The following ZNF180 variants were observed in gnomAD, a reference collection of about 807,000 sequenced individuals.
ZNF180 encodes the protein zinc finger protein 180.
In ZNF180, 11 loss-of-function variants were observed where a neutral mutation model predicts 11.8. The observed-to-expected ratio is 0.93, with a 90% CI of 0.59 to 1.55. The LOEUF is 1.55. Among genes scored for constraint, ZNF180 ranks in the 40% most tolerant of loss-of-function variants. ZNF180 has a pLI of 0.00. For missense variants in ZNF180, 773 were observed against 781.7 expected, an observed-to-expected ratio of 0.99 and a Z score of 0.13; for synonymous variants, 287 against 257.7, an observed-to-expected ratio of 1.11 and a Z score of -1.09.
chr19:44,491,213 T>G (rs1016879571), intron 2 of ZNF180, among the ~76,000 whole-genome samples: 1 of 152,254 alleles, frequency 6.6e-6, no homozygotes, highest in Non-Finnish European at 1.5e-5. Context: ...AAAGCAAAGC[T>G]GAGCTCAAGC....
intron 1 of ZNF180, among the ~76,000 whole-genome samples, chr19:44,499,490 G>A (rs1343139355): frequency 6.6e-6 from 1 of 152,094 alleles, no homozygotes; most frequent in Non-Finnish European, 1.5e-5. Flanking sequence ...TCTCCAACCC[G>A]GAGTCTCTGC....
intron 2 of ZNF180, among the ~76,000 whole-genome samples, chr19:44,486,491 T>G (rs1450900809): frequency 6.6e-6 from 1 of 152,248 alleles, no homozygotes; most frequent in East Asian, 1.9e-4. Flanking sequence ...TAATTCAGTC[T>G]GTTAAATGAT....
rs752065380 is a variant in ZNF180 at position 44,477,893 on chromosome 19, C to T, written c.507G>A (p.Gly169=). The T allele has an allele frequency of 2.5e-6, 4 of 1,613,780 alleles. No individual in the cohort carries two copies. The highest frequency in any genetic ancestry group is 2.7e-5 in the African/African-American group (2 of 74,916). ...GACTGGAATTCAGACCACTCTTCTCCCCAGTTTCATCACTTTTGCAGACTC... is the reference window on the plus strand; with the variant it reads ...GACTGGAATTCAGACCACTCTTCTCTCCAGTTTCATCACTTTTGCAGACTC... ...HERVCKSDET[G]EKSGLNSSLF... The change falls in exon 5 of 5, where the codon GGG becomes GGA. Residue 169 remains glycine (G), a synonymous_variant. Transcript: ENST00000592529.
At position 44,477,074 on chromosome 19, in the gene ZNF180, T is replaced by C. The variant is rs758624678; in HGVS notation, c.1326A>G (p.Gln442=). Residue 442 remains glutamine (Q), a synonymous_variant, in exon 5 of 5, where the codon CAA becomes CAG. Coordinates refer to ENST00000592529, the MANE Select transcript of ZNF180 (RefSeq NM_001278509.3). Reference sequence around the variant, plus strand: ...AGCTCTGGATAAATGATTTCCCACATTGATTACATTCATAGGGCTTCTCTC... The same window carrying C: ...AGCTCTGGATAAATGATTTCCCACACTGATTACATTCATAGGGCTTCTCTC... ...HTGEKPYECN[Q]CGKSFIQSYK... is the part of the protein sequence containing the mutation. The C allele has an allele frequency of 9.9e-6, 16 of 1,613,780 alleles. No homozygotes were observed. Among genetic ancestry groups the C allele is most frequent in the African/African-American group, 6.7e-5 (5 of 74,924 alleles).
rs998279823 is a variant in ZNF180, at chr19:44,500,293, G to A, written c.-62C>T. On this transcript the variant is annotated 5_prime_UTR_variant, in exon 1 of 5. Coordinates refer to ENST00000592529, the MANE Select transcript of ZNF180 (RefSeq NM_001278509.3). Reference sequence around the variant, plus strand: ...TACCAACCTGGGCGTCCGCTGGCCCGCAGCCCAGGCTGGGCCTGTCACCGC... The same window carrying A: ...TACCAACCTGGGCGTCCGCTGGCCCACAGCCCAGGCTGGGCCTGTCACCGC... The A allele has an allele frequency of 5.0e-6, 8 of 1,608,798 alleles. No homozygotes were observed. The African/African-American group carries it at 8.0e-5, about 16-fold the overall frequency.
intron 2 of ZNF180, among the ~76,000 whole-genome samples, chr19:44,486,904 C>G (rs1007358414): frequency 6.6e-6 from 1 of 152,122 alleles, no homozygotes. Context: ...TACAAATTAG[C>G]TAGGTGTGGT....
chr19:44,477,056 G>A lies in ZNF180; in HGVS notation c.1344C>T (p.Ile448=), dbSNP rs1446721487. The A allele has an allele frequency of 3.1e-6, 5 of 1,613,846 alleles. No individual in the cohort carries two copies. The highest frequency in any genetic ancestry group is 4.2e-6 in the Non-Finnish European group (5 of 1,179,988). The change falls in exon 5 of 5, where the codon ATC becomes ATT. Residue 448 remains isoleucine, a synonymous_variant. Transcript: ENST00000592529. ...YECNQCGKSF[I]QSYKLIAHQR... ...GATGTGCAATAAGTTTATAGCTCTGGATAAATGATTTCCCACATTGATTAC... is the reference window on the plus strand; with the variant it reads ...GATGTGCAATAAGTTTATAGCTCTGAATAAATGATTTCCCACATTGATTAC...
intron 3 of ZNF180, among the ~76,000 whole-genome samples, chr19:44,480,709 G>A (rs1452228555): frequency 6.6e-6 from 1 of 152,084 alleles, no homozygotes; most frequent in Non-Finnish European, 1.5e-5. Flanking sequence ...ATAGCCTAAT[G>A]GTAATTTTAT....
Position 44,482,057 on chromosome 19 carries a change from G to A in ZNF180, c.126+2304C>T, listed in dbSNP as rs1204459767. ...AGGGCGGCTCATGCCTATAATCCCA[G>A]CACTTTGGGAGACTGAGGTGGGTGG... On this transcript the variant is annotated intron_variant, in intron 3 of 4. Coordinates refer to ENST00000592529, the MANE Select transcript of ZNF180 (RefSeq NM_001278509.3). 2.6e-5 allele frequency among the ~76,000 whole-genome samples: 4 copies of A among 152,194 alleles called. No homozygotes were observed. The East Asian group carries it at 7.7e-4, about 29-fold the overall frequency.
rs370897249 is a variant in ZNF180 at position 44,476,438 on chromosome 19, T to C, written c.1962A>G (p.Ala654=). 3 of 1,606,576 alleles carry C rather than the reference T, an allele frequency of 1.9e-6. No homozygotes were observed. The highest frequency in any genetic ancestry group is 1.3e-5 in the African/African-American group (1 of 74,654). The change falls in exon 5 of 5, where the codon GCA becomes GCG. Residue 654 remains alanine (A), a synonymous_variant. Transcript: ENST00000592529. The part of the protein sequence containing the change: ...INSYKLIRHQ[A]THTEEKLYEC... ...CATAGAGTTTCTCTTCAGTATGAGT[T>C]GCCTGATGCCTAATAAGTTTATAGC...
chr19:44,497,409 G>A (rs1384204999), intron 1 of ZNF180, 32 bp from the exon 2 acceptor site: 1 of 1,565,600 alleles, frequency 6.4e-7, no homozygotes, highest in South Asian at 1.2e-5. Flanking sequence ...GCATGAAGAT[G>A]TAGGTCTGCC....
At chr19:44,499,046 A>T (rs1970664282) in intron 1 of ZNF180, among the ~76,000 whole-genome samples, 1 of 152,170 alleles carries the variant, frequency 6.6e-6, no homozygotes, top group South Asian at 2.1e-4. Context: ...GGGACATCTC[A>T]GGTACCCACA....
intron 1 of ZNF180, chr19:44,500,053 C>A (rs1360662688): frequency 2.5e-6 from 3 of 1,216,426 alleles, no homozygotes; most frequent in East Asian, 4.7e-5. Context: ...AGGCCCCAGA[C>A]AAGAGCACCA....
chr19:44,489,421 G>T (rs2123480350), intron 2 of ZNF180, among the ~76,000 whole-genome samples: 1 of 141,648 alleles, frequency 7.1e-6, no homozygotes, highest in East Asian at 2.1e-4. Context: ...TTGGGATCCT[G>T]TTGATCTATG....
chr19:44,486,436 G>A (rs569519027), intron 2 of ZNF180, among the ~76,000 whole-genome samples: 344 of 152,218 alleles, frequency 2.3e-3, no homozygotes, highest in Middle Eastern at 0.014. Context: ...TTGAAACAAC[G>A]CAATTCCTTT....
chr19:44,477,384 G>A lies in ZNF180; in HGVS notation c.1016C>T (p.Ser339Leu), dbSNP rs146300903. 7.4e-5 allele frequency: 120 copies of A among 1,613,710 alleles called. No homozygotes were observed. Among genetic ancestry groups the A allele is most frequent in the Non-Finnish European group, 9.7e-5 (115 of 1,179,912 alleles). The change falls in exon 5 of 5, where the codon TCG becomes TTG. Residue 339 changes from serine to leucine, a missense_variant. By Grantham distance (145) the Ser-to-Leu change is moderately radical (BLOSUM62 -2). Coordinates refer to ENST00000592529, the MANE Select transcript of ZNF180 (RefSeq NM_001278509.3). Reference sequence around the variant, plus strand: ...AGTTCTCTGATGTGCAACAAGATGCGAGCTCCAGCTGAAGGATTTCCCACA... The same window carrying A: ...AGTTCTCTGATGTGCAACAAGATGCAAGCTCCAGCTGAAGGATTTCCCACA... ...NQCGKSFSWS[S>L]HLVAHQRTHT... is the part of the protein sequence containing the mutation.
At chr19:44,491,663 T>TG (rs1970454218) in intron 2 of ZNF180, among the ~76,000 whole-genome samples, 1 of 152,208 alleles carries the variant, frequency 6.6e-6, no homozygotes, top group Non-Finnish European at 1.5e-5. Context: ...CTTGAACTCC[T>TG]GGGCTCAAGC....
intron 3 of ZNF180, among the ~76,000 whole-genome samples, chr19:44,479,862 G>C (rs1381243486): frequency 6.6e-6 from 1 of 152,134 alleles, no homozygotes; most frequent in Non-Finnish European, 1.5e-5. Flanking sequence ...TGCTGCTATA[G>C]CAAGAAATTA....
rs775708654 is a variant in ZNF180, at chr19:44,477,489, C to T, written c.911G>A (p.Cys304Tyr). The T allele has an allele frequency of 1.9e-6, 3 of 1,614,072 alleles. No homozygotes were observed. The highest frequency in any genetic ancestry group is 1.1e-5 in the South Asian group (1 of 91,066). ...GGAGGAACTATGAGAGGTTTCACTA[C>T]ATTTATATTGACTCTCTTCAAAAGG... ...RIPFEESQYKCSETSHSSSLT... is the reference protein window; with the variant it reads ...RIPFEESQYKYSETSHSSSLT... Residue 304 changes from cysteine (C) to tyrosine (Y), a missense_variant, in exon 5 of 5, where the codon TGT becomes TAT. Physicochemically the swap from Cys to Tyr is radical, Grantham distance 194 (BLOSUM62 -2). Transcript: ENST00000592529.
Sources: allele counts gnomAD v4.1 joint callset (sites outside exome capture counted in the v4.1 genomes callset), GRCh38; gene constraint gnomAD v4.1.1; transcripts MANE v1.5; gene names NCBI Gene and HGNC (gene_info 2026-07-23, HGNC 2026-07-21).